Variants in MED14 observed in about 807,000 individuals in gnomAD.
The protein encoded by MED14 is mediator of RNA polymerase II transcription subunit 14.
MED14 carries 8 observed loss-of-function variants against 109.0 expected under a neutral mutation model. The observed-to-expected ratio is 0.07, with a 90% confidence interval of 0.04 to 0.13. The LOEUF (loss-of-function observed/expected upper bound fraction) is 0.13. Among genes scored for constraint, MED14 ranks in the 10% least tolerant of loss-of-function variants. The pLI is 1.00. For synonymous variants in MED14, 399 were observed against 408.7 expected (o/e 0.98, Z 0.29); for missense variants, 711 against 1,142.4 (o/e 0.62, Z 5.44).
intron 13 of MED14, among the ~76,000 whole-genome samples, chrX:40,693,834 C>G (rs1930625676): frequency 9.0e-6 from 1 of 111,415 alleles, no homozygotes; most frequent in African/African-American, 3.3e-5. Flanking sequence ...TTAATATGTG[C>G]CAAGTATTGT....
intron 25 of MED14, 152 bp downstream of exon 25, chrX:40,664,155 C>T: frequency 2.1e-6 from 1 of 468,731 alleles, no homozygotes; most frequent in Non-Finnish European, 3.4e-6. Context: ...AACTGCACTC[C>T]CCTTATGCAT....
chrX:40,684,572 A>G (rs1930232617), intron 16 of MED14, among the ~76,000 whole-genome samples: 1 of 112,577 alleles, frequency 8.9e-6, no homozygotes, highest in Admixed American at 9.4e-5. Context: ...CCGTTCTTCA[A>G]CGTGACAGGT....
intron 10 of MED14, among the ~76,000 whole-genome samples, chrX:40,704,087 A>G (rs900116417): frequency 9.8e-5 from 11 of 112,114 alleles, no homozygotes; most frequent in African/African-American, 1.6e-4. Context: ...ATTACCCAGG[A>G]AGAAAAATTT....
chrX:40,705,471 TG>T (rs1931102883), intron 10 of MED14, among the ~76,000 whole-genome samples: 1 of 112,154 alleles, frequency 8.9e-6, no homozygotes, highest in Non-Finnish European at 1.9e-5. Context: ...TACAATTTTT[TG>T]ACTACCAATG....
intron 1 of MED14, among the ~76,000 whole-genome samples, chrX:40,733,263 C>T (rs918281651): frequency 2.7e-5 from 3 of 110,179 alleles, no homozygotes; most frequent in Non-Finnish European, 5.7e-5. Context: ...GCTGGAACTA[C>T]AGGCTTGGGC....
intron 23 of MED14, among the ~76,000 whole-genome samples, chrX:40,671,597 ATGT>A (rs1315456656): frequency 8.9e-5 from 10 of 112,157 alleles, no homozygotes; most frequent in Admixed American, 9.4e-5. Context: ...AACATAGATC[ATGT>A]TGTGATTAGC....
chrX:40,721,855 C>G (rs928458363), intron 3 of MED14, among the ~76,000 whole-genome samples: 1 of 112,590 alleles, frequency 8.9e-6, no homozygotes, highest in East Asian at 2.8e-4. Flanking sequence ...GAACAAGAGC[C>G]TTTGGTTGGT....
At chrX:40,696,933 A>G in intron 13 of MED14, 91 bp downstream of exon 13, 7 of 830,018 alleles carry the variant, frequency 8.4e-6, no homozygotes, top group Non-Finnish European at 1.0e-5. Flanking sequence ...ATATTCAATA[A>G]AATTCATTGG....
rs943551805 is a variant in MED14 at position 40,650,489 on chromosome X, G to A, written c.*1317C>T. 1.3e-4 allele frequency: 98 copies of A among 751,827 alleles called. No homozygotes were observed. Among genetic ancestry groups the A allele is most frequent in the Non-Finnish European group, 1.4e-4 (92 of 638,432 alleles). 62.0% of individuals were successfully genotyped at this position (751,827 alleles called of 1,213,427 possible). A position where few individuals can be genotyped will look rare whatever the true frequency, so the allele number is the denominator to read the frequency against. ...CAGTATTACAGTGACCAGGTAACTC[G>A]GCATGGTATTATCACTTAAAAATTT... On this transcript the variant is annotated 3_prime_UTR_variant, in exon 31 of 31. Coordinates refer to ENST00000324817, the MANE Select transcript of MED14 (RefSeq NM_004229.4).
In MED14 at chrX:40,680,894, T is replaced by A; in HGVS notation, c.2474A>T (p.Asn825Ile). The A allele has an allele frequency of 8.5e-7, 1 of 1,171,557 alleles. No homozygotes were observed. The highest frequency in any genetic ancestry group is 1.2e-6 in the Non-Finnish European group (1 of 862,169). Residue 825 changes from asparagine (N) to isoleucine (I), a missense_variant, in exon 20 of 31, where the codon AAT (asparagine) becomes ATT (isoleucine). Asn to Ile is a moderately radical substitution (Grantham distance 149). Around this residue, in one of 8 missense-constraint regions of MED14, gnomAD observed 388 missense variants for 517.3 expected, o/e 0.75. Coordinates refer to ENST00000324817, the MANE Select transcript of MED14 (RefSeq NM_004229.4). ...AATGTGGAATTTTTGATGGATCGAATTCCATTGGATACTAATCTAAATAAA... is the reference window on the plus strand; with the variant it reads ...AATGTGGAATTTTTGATGGATCGAAATCCATTGGATACTAATCTAAATAAA... ...TKGSSISIQW[N>I]SIHQKFHISL...
chrX:40,721,960 A>G (rs1487525316), intron 3 of MED14, among the ~76,000 whole-genome samples: 1 of 112,013 alleles, frequency 8.9e-6, no homozygotes, highest in Non-Finnish European at 1.9e-5. Flanking sequence ...TTGGGGCCTA[A>G]GTACCTTTGA....
chrX:40,663,762 G>A (rs1043869206), intron 25 of MED14, among the ~76,000 whole-genome samples: 2 of 112,528 alleles, frequency 1.8e-5, no homozygotes, highest in Non-Finnish European at 3.8e-5. Flanking sequence ...TGTAGCAAAA[G>A]CTAACCAATA....
chrX:40,660,632 G>A (rs1006548158), intron 26 of MED14, among the ~76,000 whole-genome samples: 3 of 111,846 alleles, frequency 2.7e-5, no homozygotes, highest in Non-Finnish European at 5.6e-5. Flanking sequence ...ACCAGGGGCC[G>A]TAGTTTACTG....
intron 21 of MED14, among the ~76,000 whole-genome samples, chrX:40,676,354 A>C (rs186110196): frequency 0.015 from 1,696 of 112,170 alleles, 30 homozygotes; most frequent in African/African-American, 0.052. Flanking sequence ...TTCTTTCCCC[A>C]CTAAACTACT....
intron 10 of MED14, among the ~76,000 whole-genome samples, chrX:40,704,337 CTCT>C (rs1179002158): frequency 1.8e-5 from 2 of 112,052 alleles, no homozygotes; most frequent in African/African-American, 6.5e-5. Flanking sequence ...AAGGAATATG[CTCT>C]TCTTGTTACC....
chrX:40,651,754 A>AT lies in MED14; in HGVS notation c.*51dup, dbSNP rs1555986146. 14 of 1,120,998 alleles carry AT rather than the reference A, an allele frequency of 1.2e-5. No individual in the cohort carries two copies. The highest frequency in any genetic ancestry group is 6.8e-5 in the East Asian group (2 of 29,311). 92.4% of individuals were successfully genotyped at this position (1,120,998 alleles called of 1,213,427 possible). ...TTTTTAAACTGAAGGCTGAATTCAG[A>AT]TTTTTTTTGTTGTCTCATCTGTCAG... On this transcript the variant is annotated 3_prime_UTR_variant, in exon 31 of 31. Transcript: ENST00000324817.
intron 3 of MED14, among the ~76,000 whole-genome samples, chrX:40,726,074 C>T (rs922989913): frequency 9.8e-5 from 11 of 111,928 alleles, no homozygotes; most frequent in African/African-American, 3.6e-4. Flanking sequence ...TACTCCTTAA[C>T]GCTTCTTGAA....
chrX:40,666,629 A>T (rs1401864406), intron 24 of MED14, 91 bp downstream of exon 24: 4 of 953,510 alleles, frequency 4.2e-6, no homozygotes, highest in Non-Finnish European at 5.8e-6. Context: ...TCAATAAACA[A>T]GTATTAATTT....
At chrX:40,711,739 C>T (rs781653088) in intron 7 of MED14, among the ~76,000 whole-genome samples, 1 of 108,867 alleles carries the variant, frequency 9.2e-6, no homozygotes, top group Non-Finnish European at 1.9e-5. Flanking sequence ...TCTCCTGTCT[C>T]AGGCTCCCTA....
Sources: gnomAD v4.1 joint callset for allele counts (sites outside exome capture counted in the v4.1 genomes callset) on GRCh38, gnomAD v4.1.1 for gene constraint, gnomAD v4.1.1 regional missense constraint, MANE v1.5 for transcripts, NCBI Gene and HGNC (gene_info 2026-07-23, HGNC 2026-07-21) for gene names.